ATAD2: variants seen among roughly 807,000 people sequenced by gnomAD.
The protein encoded by ATAD2 is ATPase family AAA domain containing 2.
Under a neutral mutation model 168.9 loss-of-function variants are expected in ATAD2, and 62 were observed. That is an observed-to-expected ratio of 0.37 (90% CI 0.30 to 0.45). The LOEUF (loss-of-function observed/expected upper bound fraction) is 0.45, where lower values mean the gene tolerates loss of function less well. ATAD2 is among the 20% of genes least tolerant of loss of function. The probability of loss-of-function intolerance (pLI) is 1.00; values close to 1 mark genes in which losing one functional copy is unlikely to be tolerated. For missense variants in ATAD2, 1,419 were observed against 1,667.8 expected, an observed-to-expected ratio of 0.85 and a Z score of 2.60; for synonymous variants, 613 against 571.6, an observed-to-expected ratio of 1.07 and a Z score of -1.03.
intron 1 of ATAD2, among the ~76,000 whole-genome samples, chr8:123,415,022 G>A (rs563938804): frequency 2.6e-5 from 4 of 152,032 alleles, no homozygotes; most frequent in Admixed American, 6.6e-5. Context: ...ATGCTTTAAC[G>A]AGGTTCTGTT....
chr8:123,385,979 C>T (rs917719384), intron 1 of ATAD2, among the ~76,000 whole-genome samples: 5 of 150,642 alleles, frequency 3.3e-5, no homozygotes, highest in African/African-American at 9.8e-5. Flanking sequence ...CAAATCAAAA[C>T]CACAGAGATA....
chr8:123,380,685 A>G lies in ATAD2; in HGVS notation c.172-8T>C, dbSNP rs1201221093. 1 of 1,594,028 alleles carries G rather than the reference A, an allele frequency of 6.3e-7. No homozygotes were observed. The highest frequency in any genetic ancestry group is 8.5e-7 in the Non-Finnish European group (1 of 1,171,794). ...CTTAACTGATGACCCATCCTTTAAG[A>G]AAAATTAAGAAAGCCATCTAAGTTT... On this transcript the variant is annotated splice_region_variant and splice_polypyrimidine_tract_variant and intron_variant, in intron 1 of 27. Transcript: ENST00000287394.
chr8:123,378,727 C>CAAAAAAAAAAAAAAAAAAA (rs1554646643), intron 2 of ATAD2, among the ~76,000 whole-genome samples: 5 of 91,026 alleles, frequency 5.5e-5, no homozygotes, highest in African/African-American at 1.6e-4. Flanking sequence ...AAAAAAAAAT[C>CAAAAAAAAAAAAAAAAAAA]AAAATTCCAT....
At chr8:123,354,864 A>AAAAAATATATATATAT (rs1554644338) in intron 13 of ATAD2, among the ~76,000 whole-genome samples, 2 of 64,708 alleles carry the variant, frequency 3.1e-5, no homozygotes, top group African/African-American at 1.7e-4. Context: ...AAAAAAAAAA[A>AAAAAATATATATATAT]ATATATATAT....
chr8:123,381,270 G>A (rs1563860884), intron 1 of ATAD2, among the ~76,000 whole-genome samples: 1 of 152,156 alleles, frequency 6.6e-6, no homozygotes, highest in African/African-American at 2.4e-5. Context: ...GACCTAGGCA[G>A]GTGGATTGCT....
intron 20 of ATAD2, among the ~76,000 whole-genome samples, chr8:123,338,691 A>G (rs969477417): frequency 5.9e-5 from 9 of 152,230 alleles, no homozygotes; most frequent in South Asian, 4.1e-4. Context: ...TTTTGCCCAT[A>G]TAAGTTAGGA....
intron 2 of ATAD2, among the ~76,000 whole-genome samples, chr8:123,375,179 T>A (rs1052497660): frequency 6.6e-6 from 1 of 152,222 alleles, no homozygotes; most frequent in Non-Finnish European, 1.5e-5. Context: ...CGTAAAATAA[T>A]CATCACTATT....
intron 1 of ATAD2, chr8:123,401,480 C>A: frequency 6.4e-7 from 1 of 1,567,756 alleles, no homozygotes; most frequent in Non-Finnish European, 8.7e-7. Context: ...TTGGGGGGAA[C>A]GTGGTGACAG....
intron 1 of ATAD2, chr8:123,401,817 A>G: frequency 2.6e-6 from 2 of 757,448 alleles, no homozygotes; most frequent in South Asian, 2.7e-5. Flanking sequence ...GGCTTGCTGG[A>G]TGCCATGGAG....
intron 24 of ATAD2, 52 bp downstream of exon 24, chr8:123,333,826 T>C (rs906646142): frequency 3.4e-5 from 51 of 1,514,788 alleles, no homozygotes; most frequent in Middle Eastern, 1.7e-4. Flanking sequence ...TTAATGGCAT[T>C]AGAAAAGAAT....
intron 1 of ATAD2, 27 bp downstream of exon 1, chr8:123,396,159 TG>T: frequency 6.5e-7 from 1 of 1,535,344 alleles, no homozygotes; most frequent in Non-Finnish European, 8.7e-7. Flanking sequence ...GGAACCGCCC[TG>T]GGAGCCCGCC....
At chr8:123,323,289 G>T (rs1827525033) in intron 26 of ATAD2, among the ~76,000 whole-genome samples, 1 of 152,158 alleles carries the variant, frequency 6.6e-6, no homozygotes, top group South Asian at 2.1e-4. Context: ...AAAAACTAGA[G>T]CTGAGGGGAT....
chr8:123,385,584 C>A (rs1829623854), intron 1 of ATAD2, among the ~76,000 whole-genome samples: 1 of 151,964 alleles, frequency 6.6e-6, no homozygotes, highest in Non-Finnish European at 1.5e-5. Flanking sequence ...GAGAAAACAG[C>A]ATTGGATTTG....
At chr8:123,359,137 T>A in intron 11 of ATAD2, 84 bp downstream of exon 11, 1 of 878,998 alleles carries the variant, frequency 1.1e-6, no homozygotes, top group Non-Finnish European at 1.7e-6. Context: ...CACTTAAAAA[T>A]GGGTTAATAA....
In ATAD2 at chr8:123,361,531, G is replaced by T. The variant is rs1352636080; in HGVS notation, c.1157+8C>A. On this transcript the variant is annotated splice_region_variant and intron_variant, in intron 9 of 27. Transcript: ENST00000287394. The stretch of plus-strand genomic sequence containing the variant: ...GCTAGTTTAAAAAGGCATCAATATG[G>T]CACTTACCTATTGATAGCCCTATTA... The T allele has an allele frequency of 3.8e-6, 6 of 1,597,966 alleles. No homozygotes were observed. The highest frequency in any genetic ancestry group is 5.1e-6 in the Non-Finnish European group (6 of 1,166,264).
chr8:123,400,919 T>C, upstream of ATAD2: 1 of 1,399,448 alleles, frequency 7.1e-7, no homozygotes, highest in South Asian at 1.2e-5. The surrounding 1 kb of genome is among the most constrained non-coding windows in gnomAD (Gnocchi z 4.5). Context: ...CATGGCTTCA[T>C]CACGGACCCC....
At chr8:123,373,201 T>A in intron 2 of ATAD2, among the ~76,000 whole-genome samples, 1 of 151,310 alleles carries the variant, frequency 6.6e-6, no homozygotes, top group East Asian at 1.9e-4. Context: ...CGCTAACTTT[T>A]AACATTTTTT....
At chr8:123,378,797 A>C (rs543222348) in intron 2 of ATAD2, among the ~76,000 whole-genome samples, 2 of 151,232 alleles carry the variant, frequency 1.3e-5, no homozygotes, top group African/African-American at 4.8e-5. Context: ...TATGAGAAGA[A>C]GTAATGTAAA....
At chr8:123,336,950 T>C (rs1309680575) in intron 21 of ATAD2, among the ~76,000 whole-genome samples, 1 of 149,932 alleles carries the variant, frequency 6.7e-6, no homozygotes, top group Non-Finnish European at 1.5e-5. Context: ...GAGACTAGGC[T>C]GGGCAACACA....
Sources: allele counts gnomAD v4.1 joint callset (sites outside exome capture counted in the v4.1 genomes callset), GRCh38; gene constraint gnomAD v4.1.1; non-coding constraint Gnocchi (gnomAD v3.1); transcripts MANE v1.5; gene names NCBI Gene and HGNC (gene_info 2026-07-23, HGNC 2026-07-21).